DPYSL5: variants seen among roughly 807,000 people sequenced by gnomAD.
DPYSL5 encodes dihydropyrimidinase like 5.
Under a neutral mutation model 58.4 loss-of-function variants are expected in DPYSL5, and 9 were observed. That is an observed-to-expected ratio of 0.15 (90% confidence interval 0.09 to 0.27). The LOEUF (loss-of-function observed/expected upper bound fraction) is 0.27. DPYSL5 is among the 10% of genes least tolerant of loss of function. DPYSL5 has a pLI of 1.00. For synonymous variants in DPYSL5, 293 were observed against 301.9 expected (o/e 0.97, Z 0.31); for missense variants, 499 against 770.6 (o/e 0.65, Z 4.17).
At chr2:26,886,063 C>T (rs1663710914) in intron 1 of DPYSL5, among the ~76,000 whole-genome samples, 1 of 152,118 alleles carries the variant, frequency 6.6e-6, no homozygotes, top group African/African-American at 2.4e-5. Flanking sequence ...AGTGGGCATT[C>T]GGATGGTATT....
chr2:26,868,668 CCTT>C (rs1037129360), intron 1 of DPYSL5, among the ~76,000 whole-genome samples: 2 of 152,148 alleles, frequency 1.3e-5, no homozygotes, highest in African/African-American at 4.8e-5. Flanking sequence ...ATTCTGCTCT[CCTT>C]ATCTGTTGAT....
chr2:26,915,426 A>G (rs1278542569), intron 2 of DPYSL5, among the ~76,000 whole-genome samples: 1 of 152,178 alleles, frequency 6.6e-6, no homozygotes, highest in Non-Finnish European at 1.5e-5. Flanking sequence ...AGTAATGCAA[A>G]TGTCGCTCTG....
intron 1 of DPYSL5, among the ~76,000 whole-genome samples, chr2:26,870,786 CTGGCAG>C (rs1663244351): frequency 6.6e-6 from 1 of 151,508 alleles, no homozygotes; most frequent in Non-Finnish European, 1.5e-5. Context: ...TCTTGATGGA[CTGGCAG>C]AGGCAGGGAA....
chr2:26,901,826 T>C lies in DPYSL5; in HGVS notation c.261+3066T>C, dbSNP rs185223314. On this transcript the variant is annotated intron_variant, in intron 2 of 12. Coordinates refer to ENST00000288699, the MANE Select transcript of DPYSL5 (RefSeq NM_020134.4). ...TTGTTGATTTGGCAGCAGCAGCAGCTGGACTAGGAAAACAAAACAGTTGAA... is the reference window on the plus strand; with the variant it reads ...TTGTTGATTTGGCAGCAGCAGCAGCCGGACTAGGAAAACAAAACAGTTGAA... 2.6e-3 allele frequency among the ~76,000 whole-genome samples: 323 copies of C among 122,900 alleles called. 2 individuals are homozygous for C. The highest frequency in any genetic ancestry group is 9.7e-3 in the African/African-American group (313 of 32,386). 80.6% of individuals were successfully genotyped at this position (122,900 alleles called of 152,430 possible).
intron 1 of DPYSL5, among the ~76,000 whole-genome samples, chr2:26,866,115 A>G (rs1340772603): frequency 6.6e-6 from 1 of 152,232 alleles, no homozygotes; most frequent in African/African-American, 2.4e-5. Flanking sequence ...GAGAATGTCT[A>G]GGAGTTAAGC....
rs1558351273 is a variant in DPYSL5, at chr2:26,932,102, A to G, written c.714+418A>G. ...GAAAGAAAAGAAAAAAGAAAGAGAA[A>G]GAAAGAAAAGAAAAAAGAAAGAGAA... On this transcript the variant is annotated intron_variant, in intron 6 of 12. Coordinates refer to ENST00000288699, the MANE Select transcript of DPYSL5 (RefSeq NM_020134.4). 4.9e-4 allele frequency among the ~76,000 whole-genome samples: 72 copies of G among 146,494 alleles called. 3 individuals carry two copies. Among genetic ancestry groups the G allele is most frequent in the Middle Eastern group, 3.6e-3 (1 of 280 alleles).
At position 26,927,125 on chromosome 2, in the gene DPYSL5, T is replaced by G; in HGVS notation, c.421-128T>G. Reference sequence around the variant, plus strand: ...GTGGGAGGAAAGTGAGATAGAGAGGTGTGGGGGGTCAACCGACAGACTGAG... The same window carrying G: ...GTGGGAGGAAAGTGAGATAGAGAGGGGTGGGGGGTCAACCGACAGACTGAG... On this transcript the variant is annotated intron_variant, in intron 3 of 12. Coordinates refer to ENST00000288699, the MANE Select transcript of DPYSL5 (RefSeq NM_020134.4). This position sits in a 1 kb window ranked among gnomAD's most constrained non-coding sequence, Gnocchi z 4.3. The G allele has an allele frequency of 1.1e-6, 1 of 897,632 alleles. No individual in the cohort carries two copies. The highest frequency in any genetic ancestry group is 2.7e-5 in the Admixed American group (1 of 36,720). The allele number at this position is 897,632 out of a possible 1,614,324, so 55.6% of individuals were successfully genotyped here. A position where few individuals can be genotyped will look rare whatever the true frequency, so the allele number is the denominator to read the frequency against.
At chr2:26,882,192 AT>A (rs1210967568) in intron 1 of DPYSL5, among the ~76,000 whole-genome samples, 8 of 151,774 alleles carry the variant, frequency 5.3e-5, no homozygotes, top group Non-Finnish European at 4.4e-5. Flanking sequence ...CCTTATTTCA[AT>A]TTTTTTTCAA....
At position 26,925,304 on chromosome 2, in the gene DPYSL5, G is replaced by T. The variant is rs932292451; in HGVS notation, c.420+259G>T. 3.3e-5 allele frequency among the ~76,000 whole-genome samples: 5 copies of T among 152,160 alleles called. No individual in the cohort carries two copies. Among genetic ancestry groups the T allele is most frequent in the African/African-American group, 1.2e-4 (5 of 41,446 alleles). ...CAGGCCTTGGGGATGCAGTTTCATTGCTCTGACCATGAGGCTCTTACCGTC... is the reference window on the plus strand; with the variant it reads ...CAGGCCTTGGGGATGCAGTTTCATTTCTCTGACCATGAGGCTCTTACCGTC... On this transcript the variant is annotated intron_variant, in intron 3 of 12. Transcript: ENST00000288699. The surrounding 1 kb of genome is among the most constrained non-coding windows in gnomAD (Gnocchi z 4.5).
In DPYSL5 at chr2:26,921,761, G is replaced by A. The variant is rs188573543; in HGVS notation, c.262-3126G>A. Among the ~76,000 whole-genome samples the A allele has an allele frequency of 7.2e-4, 109 of 152,186 alleles. 2 individuals carry two copies. Among genetic ancestry groups the A allele is most frequent in the African/African-American group, 2.2e-3 (93 of 41,526 alleles). ...TGTTTCGAGGCCTTGGGGTAACAGC[G>A]GTAATAATTATTCCAGATACTTATG... On this transcript the variant is annotated intron_variant, in intron 2 of 12. Coordinates refer to ENST00000288699, the MANE Select transcript of DPYSL5 (RefSeq NM_020134.4).
intron 2 of DPYSL5, among the ~76,000 whole-genome samples, chr2:26,906,417 C>T (rs1323903990): frequency 1.3e-5 from 2 of 152,084 alleles, no homozygotes; most frequent in African/African-American, 4.8e-5. Flanking sequence ...CTCTTGACCT[C>T]GTGATCTGCC....
chr2:26,931,565 A>C, intron 5 of DPYSL5, 75 bp from the exon 6 acceptor site: 1 of 1,584,408 alleles, frequency 6.3e-7, no homozygotes, highest in Non-Finnish European at 8.7e-7. Context: ...TGCTCCATGA[A>C]GGGGAGAGTA....
rs781421525 is a variant in DPYSL5, at chr2:26,931,674, T to C, written c.704T>C (p.Ile235Thr). 1.7e-5 allele frequency: 27 copies of C among 1,613,918 alleles called. No individual in the cohort carries two copies. Among genetic ancestry groups the C allele is most frequent in the Non-Finnish European group, 1.9e-5 (23 of 1,179,904 alleles). Residue 235 changes from isoleucine (I) to threonine (T), a missense_variant, in exon 6 of 13, where the codon ATT becomes ACT. Ile to Thr is a moderately conservative substitution (Grantham distance 89, BLOSUM62 -1). This residue lies in a region of DPYSL5 where 404 missense variants were observed against 647.6 expected (regional missense o/e 0.62). Coordinates refer to ENST00000288699, the MANE Select transcript of DPYSL5 (RefSeq NM_020134.4). Reference protein sequence around the residue: ...EAEATHRVITIANRTHCPIYL... With the variant: ...EAEATHRVITTANRTHCPIYL... Reference sequence around the variant, plus strand: ...GAAGCCACTCATCGTGTTATCACCATTGCAAACAGGGTAAGTCCCCCGATG... The same window carrying C: ...GAAGCCACTCATCGTGTTATCACCACTGCAAACAGGGTAAGTCCCCCGATG...
In DPYSL5 at chr2:26,934,192, G is replaced by C. The variant is rs1055336378; in HGVS notation, c.791-386G>C. ...TCTCTTGAAGCTGCTCACAGCAACTGCCTGTCCAGAAAACAGTCTAGACTG... is the reference window on the plus strand; with the variant it reads ...TCTCTTGAAGCTGCTCACAGCAACTCCCTGTCCAGAAAACAGTCTAGACTG... On this transcript the variant is annotated intron_variant, in intron 7 of 12. Transcript: ENST00000288699. The surrounding 1 kb of genome is among the most constrained non-coding windows in gnomAD (Gnocchi z 4.3). Among the ~76,000 whole-genome samples, 8 of 152,144 alleles carry C rather than the reference G, an allele frequency of 5.3e-5. No homozygotes were observed. The highest frequency in any genetic ancestry group is 1.9e-4 in the African/African-American group (8 of 41,428).
chr2:26,856,080 T>A (rs901108728), intron 1 of DPYSL5, among the ~76,000 whole-genome samples: 3 of 151,850 alleles, frequency 2.0e-5, no homozygotes, highest in Non-Finnish European at 2.9e-5. Flanking sequence ...GGGTGCATTT[T>A]AAAAAAAACT....
intron 2 of DPYSL5, among the ~76,000 whole-genome samples, chr2:26,918,660 C>T (rs1407050981): frequency 6.6e-6 from 1 of 152,212 alleles, no homozygotes; most frequent in African/African-American, 2.4e-5. Context: ...TTACAGAGCA[C>T]ATCCACTCGT....
chr2:26,923,171 A>G (rs1460383792), intron 2 of DPYSL5, among the ~76,000 whole-genome samples: 1 of 152,150 alleles, frequency 6.6e-6, no homozygotes, highest in African/African-American at 2.4e-5. Flanking sequence ...AAACAGATAA[A>G]CACCTAAATT....
At chr2:26,864,783 G>A (rs578139746) in intron 1 of DPYSL5, among the ~76,000 whole-genome samples, 1 of 152,162 alleles carries the variant, frequency 6.6e-6, no homozygotes, top group South Asian at 2.1e-4. Context: ...GGAGGCTTGG[G>A]CAGCAGGGGA....
In DPYSL5 at chr2:26,944,586, G is replaced by T; in HGVS notation, c.1441-70G>T. 1 of 1,546,624 alleles carries T rather than the reference G, an allele frequency of 6.5e-7. No homozygotes were observed. Among genetic ancestry groups the T allele is most frequent in the Non-Finnish European group, 8.8e-7 (1 of 1,138,014 alleles). ...CTAATGTCCCACCGGCCCCCAGGGAGGCCATGGTTGTATCACTCAGCTCTG... is the reference window on the plus strand; with the variant it reads ...CTAATGTCCCACCGGCCCCCAGGGATGCCATGGTTGTATCACTCAGCTCTG... On this transcript the variant is annotated intron_variant, in intron 11 of 12. Transcript: ENST00000288699. This position sits in a 1 kb window ranked among gnomAD's most constrained non-coding sequence, Gnocchi z 4.4.
Sources: gnomAD v4.1 joint callset for allele counts (sites outside exome capture counted in the v4.1 genomes callset) on GRCh38, gnomAD v4.1.1 for gene constraint, gnomAD v4.1.1 regional missense constraint, Gnocchi (gnomAD v3.1) non-coding constraint, MANE v1.5 for transcripts, NCBI Gene and HGNC (gene_info 2026-07-23, HGNC 2026-07-21) for gene names.